EVA1C: variants seen among roughly 807,000 people sequenced by gnomAD.
EVA1C encodes eva-1 homolog C.
In EVA1C, 25 loss-of-function variants were observed where a neutral mutation model predicts 45.4. That is an observed-to-expected ratio of 0.55 (90% CI 0.40 to 0.77). The LOEUF is 0.77. EVA1C is among the 30% of genes least tolerant of loss of function. The pLI, the probability that EVA1C is intolerant of heterozygous loss-of-function variation, is 0.00. For missense variants in EVA1C, 479 were observed against 554.8 expected (o/e 0.86, Z 1.37); for synonymous variants, 190 against 221.2 (o/e 0.86, Z 1.25).
chr21:32,451,588 C>G (rs1306575404), intron 1 of EVA1C, among the ~76,000 whole-genome samples: 1 of 152,172 alleles, frequency 6.6e-6, no homozygotes, highest in Non-Finnish European at 1.5e-5. Context: ...CTGAAAACAA[C>G]AGAAATTCAT....
chr21:32,488,598 T>C (rs1034933635), intron 4 of EVA1C, among the ~76,000 whole-genome samples: 1 of 152,086 alleles, frequency 6.6e-6, no homozygotes, highest in African/African-American at 2.4e-5. Flanking sequence ...TTTTTTTTTT[T>C]TTCTTGAGAT....
chr21:32,425,170 C>CAAACAAACA (rs371718177), intron 1 of EVA1C, among the ~76,000 whole-genome samples: 2 of 130,596 alleles, frequency 1.5e-5, no homozygotes, highest in African/African-American at 6.3e-5. Flanking sequence ...AACAAACAAA[C>CAAACAAACA]AACAACAACA....
chr21:32,507,669 C>T (rs1444103715), intron 7 of EVA1C, among the ~76,000 whole-genome samples: 1 of 142,978 alleles, frequency 7.0e-6, no homozygotes, highest in Non-Finnish European at 1.5e-5. Flanking sequence ...TGTGTGCATG[C>T]ATGTGTATCT....
intron 7 of EVA1C, among the ~76,000 whole-genome samples, chr21:32,507,924 C>A (rs867367598): frequency 7.1e-6 from 1 of 141,526 alleles, no homozygotes; most frequent in South Asian, 2.3e-4. Flanking sequence ...TGCGTGTGTG[C>A]CTGTATGTGT....
intron 1 of EVA1C, among the ~76,000 whole-genome samples, chr21:32,415,524 G>A (rs2034001230): frequency 1.3e-5 from 2 of 152,132 alleles, no homozygotes; most frequent in African/African-American, 4.8e-5. Flanking sequence ...TCTTCTTTGC[G>A]GCTCTTCCTT....
intron 1 of EVA1C, among the ~76,000 whole-genome samples, chr21:32,429,756 A>AT (rs2034627987): frequency 6.6e-6 from 1 of 152,240 alleles, no homozygotes; most frequent in Non-Finnish European, 1.5e-5. Context: ...TGTAATCCAC[A>AT]TGTGTAATAT....
At chr21:32,481,647 C>CT (rs1464373789) in intron 4 of EVA1C, among the ~76,000 whole-genome samples, 9 of 152,080 alleles carry the variant, frequency 5.9e-5, no homozygotes, top group African/African-American at 2.2e-4. Context: ...CTCTAAGACT[C>CT]TCACTGTTCA....
At chr21:32,441,546 C>A (rs1253970278) in intron 1 of EVA1C, among the ~76,000 whole-genome samples, 2 of 151,746 alleles carry the variant, frequency 1.3e-5, no homozygotes, top group Non-Finnish European at 2.9e-5. Flanking sequence ...GGCCCAGTGG[C>A]ATGGGACTTT....
intron 4 of EVA1C, 91 bp downstream of exon 4, chr21:32,467,939 T>A (rs2036237796): frequency 1.1e-6 from 1 of 886,128 alleles, no homozygotes; most frequent in African/African-American, 1.8e-5. Context: ...ATATCCTATA[T>A]GATTGTGAAA....
In EVA1C at chr21:32,467,857, T is replaced by C; in HGVS notation, c.634+9T>C. ...GCGGCTCCCCCCTTTCGGTATGTGCTTTTGTGTGTGTATTAGCCAGGGTTC... is the reference window on the plus strand; with the variant it reads ...GCGGCTCCCCCCTTTCGGTATGTGCCTTTGTGTGTGTATTAGCCAGGGTTC... On this transcript the variant is annotated intron_variant, in intron 4 of 7. Transcript: ENST00000300255. 1 of 1,598,880 alleles carries C rather than the reference T, an allele frequency of 6.3e-7. No individual in the cohort carries two copies.
Position 32,412,885 on chromosome 21 carries a change from C to T in EVA1C, c.32C>T (p.Pro11Leu). MLLPGRARQP[P>L]TPQPVQHPGL... is the part of the protein sequence containing the mutation. Reference sequence around the variant, plus strand: ...CTGCCGGGACGCGCACGCCAACCGCCGACGCCCCAGCCCGTGCAGCATCCC... The same window carrying T: ...CTGCCGGGACGCGCACGCCAACCGCTGACGCCCCAGCCCGTGCAGCATCCC... Residue 11 changes from proline to leucine, a missense_variant, in exon 1 of 8, where the codon CCG (proline) becomes CTG (leucine). Pro to Leu is a moderately conservative substitution (Grantham distance 98). Around this residue, in one of 3 missense-constraint regions of EVA1C, gnomAD observed 80 missense variants for 63.8 expected, o/e 1.25. Transcript: ENST00000300255. 6.7e-7 allele frequency: 1 copy of T among 1,503,328 alleles called. No homozygotes were observed. The highest frequency in any genetic ancestry group is 8.8e-7 in the Non-Finnish European group (1 of 1,131,322). 93.1% of individuals were successfully genotyped at this position (1,503,328 alleles called of 1,614,324 possible).
intron 3 of EVA1C, among the ~76,000 whole-genome samples, chr21:32,465,945 C>A (rs1296541713): frequency 6.6e-6 from 1 of 152,184 alleles, no homozygotes; most frequent in Non-Finnish European, 1.5e-5. Flanking sequence ...GGGACATTCC[C>A]ACCATCTCAG....
chr21:32,489,465 C>T (rs1197982349), intron 4 of EVA1C, among the ~76,000 whole-genome samples: 1 of 152,140 alleles, frequency 6.6e-6, no homozygotes, highest in Non-Finnish European at 1.5e-5. Flanking sequence ...TATGTGTCTG[C>T]CTCTATGCCA....
chr21:32,417,306 G>A (rs574983167), intron 1 of EVA1C, among the ~76,000 whole-genome samples: 1 of 152,326 alleles, frequency 6.6e-6, no homozygotes, highest in African/African-American at 2.4e-5. Flanking sequence ...CAAGATCAAG[G>A]TCTTGGCAGA....
intron 4 of EVA1C, among the ~76,000 whole-genome samples, chr21:32,476,839 G>C (rs1238183522): frequency 6.6e-6 from 1 of 152,098 alleles, no homozygotes; most frequent in African/African-American, 2.4e-5. Flanking sequence ...ATAGACTTGA[G>C]GGTCCCCCCA....
At chr21:32,465,742 C>T (rs2036149034) in intron 3 of EVA1C, among the ~76,000 whole-genome samples, 1 of 152,158 alleles carries the variant, frequency 6.6e-6, no homozygotes, top group Non-Finnish European at 1.5e-5. Context: ...AGGTGATCCG[C>T]CCGCCTTGGC....
chr21:32,443,079 A>G (rs752164604), intron 1 of EVA1C, among the ~76,000 whole-genome samples: 3 of 151,788 alleles, frequency 2.0e-5, no homozygotes, highest in Admixed American at 1.3e-4. Flanking sequence ...CTCAGCAGTG[A>G]CATGTCTGGA....
intron 5 of EVA1C, among the ~76,000 whole-genome samples, chr21:32,496,364 T>C (rs1456809256): frequency 6.6e-6 from 1 of 152,246 alleles, no homozygotes; most frequent in African/African-American, 2.4e-5. Flanking sequence ...AATATTCCAT[T>C]GCATCCTTAG....
chr21:32,481,713 C>T (rs532841538), intron 4 of EVA1C, among the ~76,000 whole-genome samples: 12 of 152,168 alleles, frequency 7.9e-5, no homozygotes, highest in African/African-American at 2.6e-4. Flanking sequence ...AAAGATCATT[C>T]GATACTTTCA....
Sources: allele counts gnomAD v4.1 joint callset (sites outside exome capture counted in the v4.1 genomes callset), GRCh38; gene constraint gnomAD v4.1.1; regional missense constraint gnomAD v4.1.1; transcripts MANE v1.5; gene names NCBI Gene and HGNC (gene_info 2026-07-23, HGNC 2026-07-21).